The following PHEX variants were observed in gnomAD, a reference collection of about 807,000 sequenced individuals.
PHEX encodes phosphate regulating endopeptidase X-linked.
PHEX carries 16 observed loss-of-function variants against 68.0 expected under a neutral mutation model. That is an observed-to-expected ratio of 0.24 (90% confidence interval 0.16 to 0.36). The LOEUF (loss-of-function observed/expected upper bound fraction) is 0.36. Ranked by LOEUF, PHEX falls within the 10% of genes least tolerant of loss-of-function variation. The probability of loss-of-function intolerance (pLI) is 1.00; values close to 1 mark genes in which losing one functional copy is unlikely to be tolerated. For missense variants in PHEX, 480 were observed against 575.5 expected, an observed-to-expected ratio of 0.83 and a Z score of 1.70; for synonymous variants, 208 against 205.1, an observed-to-expected ratio of 1.01 and a Z score of -0.12.
At chrX:22,130,206 G>A (rs1170397913) in intron 11 of PHEX, among the ~76,000 whole-genome samples, 1 of 111,371 alleles carries the variant, frequency 9.0e-6, no homozygotes, top group Admixed American at 9.5e-5. Flanking sequence ...CTCTGTGAAC[G>A]TGATGGGCCA....
intron 15 of PHEX, among the ~76,000 whole-genome samples, chrX:22,204,682 G>T (rs186967943): frequency 2.7e-5 from 3 of 111,569 alleles, no homozygotes; most frequent in Admixed American, 9.6e-5. Context: ...TTTTTATAAT[G>T]GGATCTAAAT....
chrX:22,227,640 G>C, intron 20 of PHEX, 29 bp downstream of exon 20: 1 of 1,001,763 alleles, frequency 1.0e-6, no homozygotes, highest in Non-Finnish European at 1.4e-6. Context: ...GGGCATCAGG[G>C]ATGAGATGCA....
Position 22,227,504 on chromosome X carries a change from C to A in PHEX, c.1966-3C>A. 1 of 1,179,720 alleles carries A rather than the reference C, an allele frequency of 8.5e-7. No individual in the cohort carries two copies. Among genetic ancestry groups the A allele is most frequent in the Non-Finnish European group, 1.2e-6 (1 of 866,291 alleles). ...GACTCATCTCTTCTTCTTCTCTCAC[C>A]AGGCTTACAGGAAATGGATAAATGA... On this transcript the variant is annotated splice_region_variant and splice_polypyrimidine_tract_variant and intron_variant, in intron 19 of 21. Coordinates refer to ENST00000379374, the MANE Select transcript of PHEX (RefSeq NM_000444.6).
chrX:22,167,792 A>G (rs1602353793), intron 12 of PHEX, among the ~76,000 whole-genome samples: 1 of 109,294 alleles, frequency 9.1e-6, no homozygotes, highest in Non-Finnish European at 1.9e-5. Context: ...ACTGTGCCCG[A>G]CCTCCTTTCC....
chrX:22,042,556 G>A (rs1927334213), intron 2 of PHEX, among the ~76,000 whole-genome samples: 1 of 112,309 alleles, frequency 8.9e-6, no homozygotes, highest in African/African-American at 3.2e-5. Context: ...ACGCTGAGGC[G>A]GACAGATCAC....
intron 12 of PHEX, among the ~76,000 whole-genome samples, chrX:22,145,445 A>G (rs927013956): frequency 6.3e-5 from 7 of 111,350 alleles, no homozygotes; most frequent in African/African-American, 2.3e-4. Context: ...GTGAAACCCC[A>G]TCTTTACTAA....
At chrX:22,167,487 A>ATTTTTTTTTTT (rs1424429207) in intron 12 of PHEX, among the ~76,000 whole-genome samples, 1 of 90,961 alleles carries the variant, frequency 1.1e-5, no homozygotes, top group African/African-American at 4.5e-5. Flanking sequence ...TAATTTTTTA[A>ATTTTTTTTTTT]TTTCTTTTTT....
intron 2 of PHEX, among the ~76,000 whole-genome samples, chrX:22,044,785 C>T (rs1399031819): frequency 1.8e-5 from 2 of 111,115 alleles, no homozygotes; most frequent in African/African-American, 6.5e-5. Flanking sequence ...TAATTAGAGA[C>T]AACTGATGCT....
chrX:22,173,010 T>C (rs752622366), intron 13 of PHEX: 1 of 87,689 alleles, frequency 1.1e-5, no homozygotes, highest in South Asian at 4.7e-4. Context: ...AGTGAAACAC[T>C]AGTGTGTGTG....
chrX:22,062,110 A>G (rs191133223), intron 3 of PHEX, among the ~76,000 whole-genome samples: 2 of 110,992 alleles, frequency 1.8e-5, no homozygotes, highest in Admixed American at 1.9e-4. Flanking sequence ...TGATCTAATC[A>G]CCTCCCATGA....
At chrX:22,238,047 C>T (rs939309105) in intron 20 of PHEX, among the ~76,000 whole-genome samples, 2 of 111,914 alleles carry the variant, frequency 1.8e-5, no homozygotes, top group African/African-American at 3.3e-5. Context: ...GAGGCCGAGG[C>T]GGGTGGATTG....
At chrX:22,236,591 C>CCTGTTTTTGTAAATAATGTTTT (rs1353189803) in intron 20 of PHEX, among the ~76,000 whole-genome samples, 1 of 112,904 alleles carries the variant, frequency 8.9e-6, no homozygotes, top group African/African-American at 3.2e-5. Context: ...TGGCCTGCTG[C>CCTGTTTTTGTAAATAATGTTTT]CTGTTTTTGT....
intron 12 of PHEX, among the ~76,000 whole-genome samples, chrX:22,164,311 A>G (rs1933237723): frequency 8.9e-6 from 1 of 112,006 alleles, no homozygotes. Context: ...CATATATAGC[A>G]TATTTTAGGA....
chrX:22,055,734 T>C (rs890918616), intron 3 of PHEX, among the ~76,000 whole-genome samples: 1 of 111,888 alleles, frequency 8.9e-6, no homozygotes, highest in African/African-American at 3.3e-5. Context: ...CTAATTTTTG[T>C]ATTTTTAGTA....
At chrX:22,090,240 G>C in intron 5 of PHEX, among the ~76,000 whole-genome samples, 189 bp from the exon 6 acceptor site, 1 of 112,389 alleles carries the variant, frequency 8.9e-6, no homozygotes, top group Non-Finnish European at 1.9e-5. Flanking sequence ...GCAGGTCTCT[G>C]ATAGTTTATT....
At chrX:22,095,205 T>C (rs767789557) in intron 7 of PHEX, among the ~76,000 whole-genome samples, 2 of 111,640 alleles carry the variant, frequency 1.8e-5, no homozygotes, top group South Asian at 7.6e-4. Context: ...GTGCAAAAAG[T>C]TCATTCCTGC....
chrX:22,097,778 T>G (rs758297366), intron 8 of PHEX: 5 of 666,564 alleles, frequency 7.5e-6, no homozygotes, highest in Non-Finnish European at 8.9e-6. Context: ...TTTTATTTGT[T>G]TTTTTTTGAG....
chrX:22,221,539 G>C, intron 17 of PHEX, 74 bp from the exon 18 acceptor site: 10 of 931,842 alleles, frequency 1.1e-5, no homozygotes, highest in Non-Finnish European at 1.5e-5. Context: ...AAGGCTTGTC[G>C]AGGTGAGGGA....
chrX:22,230,888 C>G (rs1251516331), intron 20 of PHEX, among the ~76,000 whole-genome samples: 2 of 111,622 alleles, frequency 1.8e-5, no homozygotes, highest in African/African-American at 6.5e-5. Context: ...AGTTTTTGCC[C>G]ATTCAGTATG....
Sources: gnomAD v4.1 joint callset for allele counts (sites outside exome capture counted in the v4.1 genomes callset) on GRCh38, gnomAD v4.1.1 for gene constraint, MANE v1.5 for transcripts, NCBI Gene and HGNC (gene_info 2026-07-23, HGNC 2026-07-21) for gene names.